TEX15: variants seen among roughly 807,000 people sequenced by gnomAD.
TEX15 encodes the protein testis-expressed protein 15.
Under a neutral mutation model 237.3 loss-of-function variants are expected in TEX15, and 171 were observed. The ratio of observed to expected loss-of-function variants is 0.72; its 90% confidence interval spans 0.64 to 0.82. The LOEUF is 0.82. Ranked by LOEUF, TEX15 falls within the 40% of genes least tolerant of loss-of-function variation. The pLI is 0.00. For missense variants in TEX15, 3,750 were observed against 3,646.5 expected, an observed-to-expected ratio of 1.03 and a Z score of -0.73; for synonymous variants, 1,338 against 1,269.8, an observed-to-expected ratio of 1.05 and a Z score of -1.14.
intron 3 of TEX15, among the ~76,000 whole-genome samples, chr8:30,880,144 T>C (rs905267362): frequency 6.6e-5 from 10 of 152,122 alleles, no homozygotes; most frequent in African/African-American, 2.4e-4. Context: ...TTCTCATGAC[T>C]CACCCTCCCA....
intron 1 of TEX15, among the ~76,000 whole-genome samples, chr8:30,906,799 C>A (rs916210058): frequency 6.6e-6 from 1 of 151,944 alleles, no homozygotes; most frequent in Non-Finnish European, 1.5e-5. Flanking sequence ...TCCCATTTTA[C>A]GTATGAAAAT....
At position 30,833,235 on chromosome 8, in the gene TEX15, A is replaced by C. The variant is rs780081514; in HGVS notation, c.*51T>G. On this transcript the variant is annotated 3_prime_UTR_variant, in exon 11 of 11. Coordinates refer to ENST00000643185, the MANE Select transcript of TEX15 (RefSeq NM_001350162.2). Reference sequence around the variant, plus strand: ...AATGTTAAAAAATATATAAGTAAAAAATATTTGGAAAAACTTGTTATGTCT... The same window carrying C: ...AATGTTAAAAAATATATAAGTAAAACATATTTGGAAAAACTTGTTATGTCT... 7.6e-7 allele frequency: 1 copy of C among 1,310,488 alleles called. No individual in the cohort carries two copies. The highest frequency in any genetic ancestry group is 2.3e-5 in the Admixed American group (1 of 43,892). 81.2% of individuals were successfully genotyped at this position (1,310,488 alleles called of 1,614,324 possible).
chr8:30,847,029 TATTG>T lies in TEX15; in HGVS notation c.3134_3137del (p.Ser1045Ter), dbSNP rs1455285737. ...TGCTCTGAAGAACTAAGTTCTCATT[TATTG>T]ATTGATGAAATGATTCTTGTGATTT... is the stretch of plus-strand genomic sequence containing the variant. On this transcript the variant is annotated frameshift_variant, in exon 8 of 11. Transcript: ENST00000643185. LOFTEE classifies it high-confidence loss of function. 20 of 1,612,618 alleles carry T rather than the reference TATTG, an allele frequency of 1.2e-5. No homozygotes were observed. Among genetic ancestry groups the T allele is most frequent in the Middle Eastern group, 1.6e-4 (1 of 6,084 alleles).
At chr8:30,864,618 G>GAAA (rs200930589) in intron 5 of TEX15, among the ~76,000 whole-genome samples, 3 of 81,396 alleles carry the variant, frequency 3.7e-5, no homozygotes, top group Non-Finnish European at 5.9e-5. Context: ...TCCCAGACCA[G>GAAA]AAAAAAAAAA....
At chr8:30,889,973 A>ATATATATATATATATATGTATC (rs1808764941) in intron 2 of TEX15, among the ~76,000 whole-genome samples, 1 of 145,296 alleles carries the variant, frequency 6.9e-6, no homozygotes. Context: ...ATATATGTAT[A>ATATATATATATATATATGTATC]AGTAAAATCA....
chr8:30,895,654 G>A (rs1808887695), intron 2 of TEX15, among the ~76,000 whole-genome samples: 1 of 120,928 alleles, frequency 8.3e-6, no homozygotes, highest in Admixed American at 9.3e-5. Flanking sequence ...GGGTTTACAT[G>A]TCAACACCTT....
At position 30,843,579 on chromosome 8, in the gene TEX15, G is replaced by A. The variant is rs1807516046; in HGVS notation, c.6588C>T (p.Thr2196=). ...CFDFSLSVPF[T]CGVNFGDSLE... ...AACTATCTCCAAAGTTAACTCCACA[G>A]GTAAATGGAACAGAAAGAGAAAAAT... The change falls in exon 8 of 11, where the codon ACC becomes ACT. Residue 2196 remains threonine, a synonymous_variant. Transcript: ENST00000643185. 1.2e-6 allele frequency: 2 copies of A among 1,612,950 alleles called. No homozygotes were observed. Among genetic ancestry groups the A allele is most frequent in the Non-Finnish European group, 1.7e-6 (2 of 1,179,692 alleles).
Position 30,844,451 on chromosome 8 carries a change from T to C in TEX15, c.5716A>G (p.Thr1906Ala). 2 of 1,613,208 alleles carry C rather than the reference T, an allele frequency of 1.2e-6. No individual in the cohort carries two copies. Among genetic ancestry groups the C allele is most frequent in the Non-Finnish European group, 1.7e-6 (2 of 1,179,558 alleles). ...DSHLSTKNTT[T>A]ESVPLKNTVS... ...GTGTTCTTCAAAGGGACTGACTCAG[T>C]GGTAGTATTTTTAGTGCTCAGATGG... is the stretch of plus-strand genomic sequence containing the variant. Residue 1906 changes from threonine to alanine, a missense_variant, in exon 8 of 11, where the codon ACT (threonine) becomes GCT (alanine). Thr to Ala is a moderately conservative substitution (Grantham distance 58). Transcript: ENST00000643185.
intron 5 of TEX15, among the ~76,000 whole-genome samples, chr8:30,861,269 A>C (rs1440976902): frequency 1.3e-5 from 2 of 152,196 alleles, no homozygotes; most frequent in Non-Finnish European, 2.9e-5. Flanking sequence ...ACATAGGCCA[A>C]TATTTATTCA....
Position 30,848,165 on chromosome 8 carries a change from C to CTA in TEX15, c.2001_2002insTA (p.Glu668Ter). 1 of 1,610,918 alleles carries CTA rather than the reference C, an allele frequency of 6.2e-7. No individual in the cohort carries two copies. Among genetic ancestry groups the CTA allele is most frequent in the Non-Finnish European group, 8.5e-7 (1 of 1,179,252 alleles). ...CCAAAAGAATTATGACTCTCACTCT[C>CTA]TTTGTATTCTTGGTGCAAAACAATG... is the stretch of plus-strand genomic sequence containing the variant. On this transcript the variant is annotated frameshift_variant, in exon 8 of 11. Transcript: ENST00000643185. LOFTEE classifies it high-confidence loss of function.
intron 2 of TEX15, among the ~76,000 whole-genome samples, chr8:30,898,345 C>A (rs1240840073): frequency 2.0e-5 from 3 of 152,032 alleles, no homozygotes; most frequent in African/African-American, 7.2e-5. Flanking sequence ...TATTAAAGAC[C>A]CTCAGGGGAG....
At chr8:30,873,380 G>C (rs892750130) in intron 4 of TEX15, among the ~76,000 whole-genome samples, 1 of 152,080 alleles carries the variant, frequency 6.6e-6, no homozygotes, top group East Asian at 1.9e-4. Context: ...AATTTTCTAC[G>C]ATTGAGAAAA....
chr8:30,846,163 G>C lies in TEX15; in HGVS notation c.4004C>G (p.Ser1335Ter). 6.2e-7 allele frequency: 1 copy of C among 1,613,396 alleles called. No homozygotes were observed. Among genetic ancestry groups the C allele is most frequent in the South Asian group, 1.1e-5 (1 of 90,956 alleles). ...GGATAATGAAGAGAAACACTCAGAT[G>C]AGTCTTGACTGGTTAGCCTCCTCTT... The part of the protein sequence containing the change: ...GRKRRLTSQD[S>*]SECFSSLSQG... The change falls in exon 8 of 11, where the codon TCA becomes TGA. Residue 1335 changes from serine to a stop codon, truncating the protein, a stop_gained. Transcript: ENST00000643185. LOFTEE classifies it high-confidence loss of function.
intron 5 of TEX15, among the ~76,000 whole-genome samples, chr8:30,861,118 T>C (rs554056833): frequency 3.9e-5 from 6 of 152,120 alleles, no homozygotes; most frequent in Non-Finnish European, 8.8e-5. Flanking sequence ...ATACTAAAAA[T>C]ACAGTATATT....
rs773754240 is a variant in TEX15 at position 30,843,178 on chromosome 8, A to G, written c.6989T>C (p.Ile2330Thr). Reference protein sequence around the residue: ...KDLNNEPISPIGLEEDTIIAS... With the variant: ...KDLNNEPISPTGLEEDTIIAS... ...AATTATAGTATCCTCCTCAAGCCCA[A>G]TAGGGGAAATTGGTTCATTGTTTAA... Residue 2330 changes from isoleucine (I) to threonine (T), a missense_variant, in exon 8 of 11, where the codon ATT (isoleucine) becomes ACT (threonine). Physicochemically the swap from Ile to Thr is moderately conservative, Grantham distance 89. Coordinates refer to ENST00000643185, the MANE Select transcript of TEX15 (RefSeq NM_001350162.2). 2 of 1,613,460 alleles carry G rather than the reference A, an allele frequency of 1.2e-6. No homozygotes were observed. Among genetic ancestry groups the G allele is most frequent in the Admixed American group, 3.3e-5 (2 of 59,972 alleles).
intron 7 of TEX15, among the ~76,000 whole-genome samples, chr8:30,851,862 A>G (rs1402179203): frequency 6.6e-6 from 1 of 151,998 alleles, no homozygotes; most frequent in African/African-American, 2.4e-5. Flanking sequence ...TAAACCCAGG[A>G]GGCGGAAGTT....
At chr8:30,833,415 G>A in intron 10 of TEX15, 92 bp from the exon 11 acceptor site, 1 of 964,494 alleles carries the variant, frequency 1.0e-6, no homozygotes, top group Non-Finnish European at 1.5e-6. Flanking sequence ...TTAAATTACA[G>A]CTAAAGAGAT....
Position 30,874,933 on chromosome 8 carries a change from T to C in TEX15, c.302+4A>G, listed in dbSNP as rs1309783440. 3.8e-6 allele frequency: 5 copies of C among 1,315,666 alleles called. No individual in the cohort carries two copies. In the Admixed American group the frequency reaches 1.7e-4, roughly 44 times the overall value. The allele number at this position is 1,315,666 out of a possible 1,614,324, so 81.5% of individuals were successfully genotyped here. A position where few individuals can be genotyped will look rare whatever the true frequency, so the allele number is the denominator to read the frequency against. On this transcript the variant is annotated splice_donor_region_variant and intron_variant, in intron 4 of 10. Coordinates refer to ENST00000643185, the MANE Select transcript of TEX15 (RefSeq NM_001350162.2). ...TCAAACACGTTTAGATCATAGTAAC[T>C]TACCTCTTAGCAGTAAAATTTTTTT...
At chr8:30,872,943 C>T (rs534346906) in intron 4 of TEX15, among the ~76,000 whole-genome samples, 10 of 152,026 alleles carry the variant, frequency 6.6e-5, no homozygotes, top group Non-Finnish European at 1.5e-4. Context: ...ATACATTTAG[C>T]GTAGCCTAAG....
Sources: gnomAD v4.1 joint callset for allele counts (sites outside exome capture counted in the v4.1 genomes callset) on GRCh38, gnomAD v4.1.1 for gene constraint, MANE v1.5 for transcripts, NCBI Gene and HGNC (gene_info 2026-07-23, HGNC 2026-07-21) for gene names.